RBFOX1: variants seen among roughly 807,000 people sequenced by gnomAD.
RBFOX1 encodes the protein RNA binding fox-1 homolog 1.
Under a neutral mutation model 57.7 loss-of-function variants are expected in RBFOX1, and 8 were observed. The ratio of observed to expected loss-of-function variants is 0.14; its 90% confidence interval spans 0.08 to 0.25. The LOEUF (loss-of-function observed/expected upper bound fraction) is 0.25. Among genes scored for constraint, RBFOX1 ranks in the 10% least tolerant of loss-of-function variants. RBFOX1 has a pLI of 1.00. For synonymous variants in RBFOX1, 326 were observed against 222.4 expected (o/e 1.47, Z -4.15); for missense variants, 611 against 548.5 (o/e 1.11, Z -1.14).
At chr16:5,673,111 AG>A (rs1369297112) in intron 3 of RBFOX1, among the ~76,000 whole-genome samples, 2 of 152,128 alleles carry the variant, frequency 1.3e-5, no homozygotes, top group Admixed American at 1.3e-4. Context: ...TTGGAAAAGC[AG>A]GGCACGCATT....
At chr16:7,112,378 A>AC in intron 4 of RBFOX1, among the ~76,000 whole-genome samples, 1 of 139,358 alleles carries the variant, frequency 7.2e-6, no homozygotes, top group East Asian at 2.1e-4. Context: ...AATTTTTTGT[A>AC]TTTTTTTTTT....
At chr16:5,952,302 C>T (rs752227955) in intron 4 of RBFOX1, among the ~76,000 whole-genome samples, 3 of 152,012 alleles carry the variant, frequency 2.0e-5, no homozygotes, top group African/African-American at 7.3e-5. Flanking sequence ...AGGCGTGCGC[C>T]ACCACACCTG....
At chr16:5,987,991 A>G (rs914624054) in intron 4 of RBFOX1, among the ~76,000 whole-genome samples, 3 of 152,152 alleles carry the variant, frequency 2.0e-5, no homozygotes, top group Admixed American at 2.0e-4. Context: ...AGCCAGAGAC[A>G]AGCTGCAAAT....
chr16:7,122,581 G>A (rs138955770), intron 4 of RBFOX1, among the ~76,000 whole-genome samples: 2 of 152,238 alleles, frequency 1.3e-5, no homozygotes, highest in African/African-American at 4.8e-5. Flanking sequence ...TAGTGCTGTG[G>A]AGGATTCAGA....
At chr16:5,797,139 G>C (rs1294948309) in intron 3 of RBFOX1, among the ~76,000 whole-genome samples, 1 of 152,222 alleles carries the variant, frequency 6.6e-6, no homozygotes. Context: ...CTACAGTGGT[G>C]ACATTGACAC....
At chr16:5,284,623 C>G (rs905834879) in intron 1 of RBFOX1, among the ~76,000 whole-genome samples, 1 of 150,802 alleles carries the variant, frequency 6.6e-6, no homozygotes, top group African/African-American at 2.4e-5. Flanking sequence ...CTCACTGCAG[C>G]CTTGAACTCC....
At chr16:6,283,762 G>A (rs559718228) in intron 1 of RBFOX1, among the ~76,000 whole-genome samples, 2 of 152,280 alleles carry the variant, frequency 1.3e-5, no homozygotes, top group South Asian at 2.1e-4. Flanking sequence ...TTTCTTTGCA[G>A]TACTCTAATT....
chr16:5,459,519 A>C (rs2068728039), intron 1 of RBFOX1, among the ~76,000 whole-genome samples: 1 of 152,016 alleles, frequency 6.6e-6, no homozygotes, highest in Non-Finnish European at 1.5e-5. Flanking sequence ...ACCACTCTAA[A>C]TGGATGTCTC....
intron 3 of RBFOX1, among the ~76,000 whole-genome samples, chr16:6,783,557 C>T (rs1003613259): frequency 6.6e-6 from 1 of 151,988 alleles, no homozygotes; most frequent in Non-Finnish European, 1.5e-5. Flanking sequence ...ATCTCCATCT[C>T]CTGCAGTCTG....
intron 3 of RBFOX1, among the ~76,000 whole-genome samples, chr16:5,790,872 T>C (rs2054669355): frequency 7.6e-6 from 1 of 132,152 alleles, no homozygotes; most frequent in Admixed American, 8.0e-5. Flanking sequence ...TTTTTTTTTT[T>C]TGTTTTTTTT....
chr16:6,543,026 C>T (rs79856603), intron 2 of RBFOX1, among the ~76,000 whole-genome samples: 1 of 152,126 alleles, frequency 6.6e-6, no homozygotes, highest in Non-Finnish European at 1.5e-5. Context: ...CTCCCCAGGG[C>T]CACACTATCG....
chr16:5,908,190 A>T (rs2058516645), intron 4 of RBFOX1, among the ~76,000 whole-genome samples: 1 of 109,916 alleles, frequency 9.1e-6, no homozygotes. Context: ...ATATATACAC[A>T]TATATACATA....
At chr16:6,193,937 C>T (rs566576821) in intron 1 of RBFOX1, among the ~76,000 whole-genome samples, 1 of 152,298 alleles carries the variant, frequency 6.6e-6, no homozygotes, top group East Asian at 1.9e-4. Context: ...CTCCAAGGTT[C>T]TGACCTCCGC....
chr16:6,744,555 C>T (rs918461927), intron 3 of RBFOX1, among the ~76,000 whole-genome samples: 1 of 151,884 alleles, frequency 6.6e-6, no homozygotes, highest in Non-Finnish European at 1.5e-5. Flanking sequence ...TGAAAATCTC[C>T]AAACACTTGG....
At chr16:5,771,397 T>A (rs2151677145) in intron 3 of RBFOX1, among the ~76,000 whole-genome samples, 1 of 152,246 alleles carries the variant, frequency 6.6e-6, no homozygotes, top group South Asian at 2.1e-4. Flanking sequence ...AGTATTTCAT[T>A]GTGTTTGTTT....
intron 1 of RBFOX1, among the ~76,000 whole-genome samples, chr16:6,156,316 G>A (rs372083195): frequency 7.2e-5 from 11 of 152,194 alleles, no homozygotes; most frequent in African/African-American, 2.4e-4. Context: ...TTAAAGGATT[G>A]GGAAGCCATT....
intron 3 of RBFOX1, among the ~76,000 whole-genome samples, chr16:6,992,645 A>G (rs902225115): frequency 3.3e-5 from 5 of 152,122 alleles, no homozygotes; most frequent in Non-Finnish European, 7.4e-5. Context: ...GTTAAGGATA[A>G]AAGTTACACA....
chr16:6,069,052 G>A (rs1282005853), intron 1 of RBFOX1, among the ~76,000 whole-genome samples: 2 of 152,046 alleles, frequency 1.3e-5, no homozygotes, highest in African/African-American at 4.8e-5. Flanking sequence ...AAGGGAAGGA[G>A]AGAAGGAAGA....
intron 4 of RBFOX1, among the ~76,000 whole-genome samples, chr16:7,427,976 C>T (rs1364210016): frequency 6.6e-6 from 1 of 152,156 alleles, no homozygotes; most frequent in Non-Finnish European, 1.5e-5. Context: ...TCCGTGCCCC[C>T]ATATCAGATA....
Sources: allele counts gnomAD v4.1 joint callset (sites outside exome capture counted in the v4.1 genomes callset), GRCh38; gene constraint gnomAD v4.1.1; transcripts MANE v1.5; gene names NCBI Gene and HGNC (gene_info 2026-07-23, HGNC 2026-07-21).